Variants in PCDHA7 observed in about 807,000 individuals in gnomAD.
PCDHA7 encodes the protein protocadherin alpha 7, also known as protocadherin alpha-7.
In PCDHA7, 37 loss-of-function variants were observed where a neutral mutation model predicts 57.2. The ratio of observed to expected loss-of-function variants is 0.65; its 90% CI spans 0.50 to 0.85. The LOEUF (loss-of-function observed/expected upper bound fraction) is 0.85. PCDHA7 is among the 40% of genes least tolerant of loss of function. The probability of loss-of-function intolerance (pLI) is 0.00; values close to 1 mark genes in which losing one functional copy is unlikely to be tolerated. For synonymous variants in PCDHA7, 553 were observed against 558.8 expected (o/e 0.99, Z 0.15); for missense variants, 1,188 against 1,241.8 (o/e 0.96, Z 0.65).
At chr5:140,839,749 T>TC (rs1400438543) in intron 1 of PCDHA7, among the ~76,000 whole-genome samples, 2 of 152,066 alleles carry the variant, frequency 1.3e-5, no homozygotes, top group African/African-American at 4.8e-5. Flanking sequence ...TATTTGCCTT[T>TC]CCTATTTAAC....
intron 1 of PCDHA7, among the ~76,000 whole-genome samples, chr5:140,919,511 G>A (rs782614998): frequency 1.3e-5 from 2 of 151,848 alleles, no homozygotes; most frequent in Non-Finnish European, 2.9e-5. Flanking sequence ...TTTTCTATAT[G>A]TTTTAATTCT....
chr5:140,858,054 T>G, intron 1 of PCDHA7: 2 of 1,597,316 alleles, frequency 1.3e-6, no homozygotes, highest in South Asian at 2.2e-5. Flanking sequence ...GTGTCGCTTG[T>G]GGAGGGCAGC....
intron 1 of PCDHA7, chr5:140,877,979 A>G (rs2057420487): frequency 4.9e-6 from 6 of 1,227,544 alleles, no homozygotes; most frequent in Non-Finnish European, 5.4e-6. Flanking sequence ...ATTCTTACTC[A>G]TTTTGAACTT....
At chr5:140,877,594 T>G (rs782719581) in intron 1 of PCDHA7, 110 of 1,613,680 alleles carry the variant, frequency 6.8e-5, no homozygotes, top group Non-Finnish European at 9.3e-5. Context: ...CTGTGCGGTG[T>G]CCAGCCTGCT....
At chr5:140,876,921 C>T (rs1554169105) in intron 1 of PCDHA7, 13 of 1,613,926 alleles carry the variant, frequency 8.1e-6, no homozygotes, top group East Asian at 4.5e-5. Context: ...GGGACGCGGA[C>T]GCGCAGAAGA....
At chr5:140,906,416 T>A (rs2072639287) in intron 1 of PCDHA7, among the ~76,000 whole-genome samples, 1 of 152,190 alleles carries the variant, frequency 6.6e-6, no homozygotes, top group African/African-American at 2.4e-5. Flanking sequence ...AGTCAATAAA[T>A]CTTATGTCAC....
chr5:140,949,664 A>T (rs2094409163), intron 1 of PCDHA7, among the ~76,000 whole-genome samples: 1 of 151,578 alleles, frequency 6.6e-6, no homozygotes, highest in African/African-American at 2.4e-5. Context: ...TTGTTTCTTT[A>T]AAGTATGCCC....
intron 1 of PCDHA7, chr5:140,884,520 C>G (rs782029549): frequency 4.3e-6 from 7 of 1,613,918 alleles, no homozygotes; most frequent in Middle Eastern, 1.6e-4. Flanking sequence ...TGGTCGTACT[C>G]GCAGCAGAGG....
Position 140,856,070 on chromosome 5 carries a change from C to T in PCDHA7, c.2355+19332C>T. 3.1e-6 allele frequency: 5 copies of T among 1,591,758 alleles called. 1 individual carries two copies. Among genetic ancestry groups the T allele is most frequent in the Non-Finnish European group, 4.3e-6 (5 of 1,163,604 alleles). On this transcript the variant is annotated intron_variant, in intron 1 of 3. Coordinates refer to ENST00000525929, the MANE Select transcript of PCDHA7 (RefSeq NM_018910.3). ...TAAGATGGTTTCCAGATGTAGCTGC[C>T]TGGGGGTCCAGTGTCTGCTGCTCTC...
chr5:140,933,753 G>A (rs1554209575), intron 1 of PCDHA7, among the ~76,000 whole-genome samples: 1 of 151,976 alleles, frequency 6.6e-6, no homozygotes. Context: ...GAATTCACTA[G>A]TGAAGCTCTC....
rs2150243026 is a variant in PCDHA7 at position 140,835,721 on chromosome 5, C to T, written c.1338C>T (p.Ala446=). 10 of 1,613,816 alleles carry T rather than the reference C, an allele frequency of 6.2e-6. No individual in the cohort carries two copies. The highest frequency in any genetic ancestry group is 8.5e-6 in the Non-Finnish European group (10 of 1,179,876). ...CTGCTAGCGTGTCCGTGGAGGTGGC[C>T]GACGTGAACGACAACGCCCCGGCGT... The part of the protein sequence containing the change: ...WATASVSVEV[A]DVNDNAPAFA... Residue 446 remains alanine, a synonymous_variant, in exon 1 of 4, where the codon GCC becomes GCT. Coordinates refer to ENST00000525929, the MANE Select transcript of PCDHA7 (RefSeq NM_018910.3).
intron 1 of PCDHA7, chr5:140,857,362 C>A: frequency 1.3e-6 from 2 of 1,598,452 alleles, no homozygotes. Flanking sequence ...GGGCCACGGC[C>A]AGCGTGTCTG....
intron 1 of PCDHA7, among the ~76,000 whole-genome samples, chr5:140,948,267 A>G (rs964252489): frequency 1.3e-5 from 2 of 151,646 alleles, no homozygotes. Flanking sequence ...GTGTTCATGT[A>G]GAATATCTGT....
At chr5:140,875,430 C>G in intron 1 of PCDHA7, 1 of 1,557,170 alleles carries the variant, frequency 6.4e-7, no homozygotes. Context: ...CAAGCGATCC[C>G]TTAAAACTGA....
intron 1 of PCDHA7, among the ~76,000 whole-genome samples, chr5:140,943,363 T>C (rs1192531762): frequency 2.0e-5 from 3 of 148,712 alleles, no homozygotes; most frequent in Non-Finnish European, 4.5e-5. Flanking sequence ...GGAAAGGAGA[T>C]CATTAAAATA....
chr5:140,980,044 T>G (rs1249451662), intron 2 of PCDHA7, among the ~76,000 whole-genome samples: 11 of 152,258 alleles, frequency 7.2e-5, no homozygotes, highest in Non-Finnish European at 1.5e-4. Flanking sequence ...GGGTGCTATT[T>G]CTGATTCAGA....
chr5:140,999,507 T>A (rs2097860188), intron 3 of PCDHA7, among the ~76,000 whole-genome samples: 1 of 152,078 alleles, frequency 6.6e-6, no homozygotes, highest in South Asian at 2.1e-4. Flanking sequence ...GAACCTACAT[T>A]TTAAGCATTT....
chr5:140,885,870 A>T (rs1302417773), intron 1 of PCDHA7, among the ~76,000 whole-genome samples: 1 of 152,162 alleles, frequency 6.6e-6, no homozygotes, highest in African/African-American at 2.4e-5. Context: ...TATTGAAAAA[A>T]AATTTTTAGT....
chr5:140,843,036 G>A (rs2150350746), intron 1 of PCDHA7: 3 of 1,595,194 alleles, frequency 1.9e-6, no homozygotes, highest in Middle Eastern at 1.7e-4. Context: ...CGGGTGGGTG[G>A]CACTGGTGGC....
Sources: allele counts gnomAD v4.1 joint callset (sites outside exome capture counted in the v4.1 genomes callset), GRCh38; gene constraint gnomAD v4.1.1; transcripts MANE v1.5; gene names NCBI Gene and HGNC (gene_info 2026-07-23, HGNC 2026-07-21).